Variants in PPP2R3A observed in about 807,000 individuals in gnomAD.
PPP2R3A encodes serine/threonine-protein phosphatase 2A regulatory subunit B'' subunit alpha.
In PPP2R3A, 80 loss-of-function variants were observed where a neutral mutation model predicts 106.9. The observed-to-expected ratio is 0.75, with a 90% CI of 0.62 to 0.90. PPP2R3A has a LOEUF of 0.90. Ranked by LOEUF, PPP2R3A falls within the 40% of genes least tolerant of loss-of-function variation. The pLI is 0.00. For missense variants in PPP2R3A, 1,386 were observed against 1,350.4 expected (o/e 1.03, Z -0.41); for synonymous variants, 483 against 468.3 (o/e 1.03, Z -0.41).
Position 136,145,369 on chromosome 3 carries a change from C to T in PPP2R3A, c.*203C>T, listed in dbSNP as rs1194503481. ...CCTCCAATTTGCCTCAAACCTCTTA[C>T]GGAGCTTCTCCTCAGAAGTGGTACC... On this transcript the variant is annotated 3_prime_UTR_variant, in exon 14 of 14. Coordinates refer to ENST00000264977, the MANE Select transcript of PPP2R3A (RefSeq NM_002718.5). 15 of 474,074 alleles carry T rather than the reference C, an allele frequency of 3.2e-5. No homozygotes were observed. The highest frequency in any genetic ancestry group is 4.7e-5 in the South Asian group (2 of 42,480). The allele number at this position is 474,074 out of a possible 1,614,324, so 29.4% of individuals were successfully genotyped here.
In PPP2R3A at chr3:136,002,561, A is replaced by T; in HGVS notation, c.1063A>T (p.Asn355Tyr). ...SGRFQTIELQ[N>Y]DKPNSRKMDT... ...ACGATTTCAAACTATTGAATTGCAAAATGACAAGCCTAATTCTAGGAAGAT... is the reference window on the plus strand; with the variant it reads ...ACGATTTCAAACTATTGAATTGCAATATGACAAGCCTAATTCTAGGAAGAT... The change falls in exon 2 of 14, where the codon AAT (asparagine) becomes TAT (tyrosine). Residue 355 changes from asparagine to tyrosine, a missense_variant. Transcript: ENST00000264977. 1 of 1,613,938 alleles carries T rather than the reference A, an allele frequency of 6.2e-7. No homozygotes were observed. Among genetic ancestry groups the T allele is most frequent in the Non-Finnish European group, 8.5e-7 (1 of 1,179,894 alleles).
In PPP2R3A at chr3:136,041,238, G is replaced by GTTTTTT. The variant is rs67116006; in HGVS notation, c.2366+282_2366+287dup. Among the ~76,000 whole-genome samples, 28 of 92,880 alleles carry GTTTTTT rather than the reference G, an allele frequency of 3.0e-4. 1 individual carries two copies. Among genetic ancestry groups the GTTTTTT allele is most frequent in the African/African-American group, 5.9e-4 (13 of 22,196 alleles). The allele number at this position is 92,880 out of a possible 152,430, so 60.9% of individuals were successfully genotyped here. ...TTATTAGTTTTACTTGGTTTTTCTT[G>GTTTTTT]TTTTTTTTTTTGTTTTTTTTTTTGT... On this transcript the variant is annotated intron_variant, in intron 4 of 13. Coordinates refer to ENST00000264977, the MANE Select transcript of PPP2R3A (RefSeq NM_002718.5).
chr3:136,107,469 A>G (rs933543573), intron 13 of PPP2R3A, among the ~76,000 whole-genome samples: 2 of 122,914 alleles, frequency 1.6e-5, no homozygotes, highest in Non-Finnish European at 3.2e-5. Context: ...ACAGTCTCAA[A>G]TGTGGTCTCT....
intron 6 of PPP2R3A, among the ~76,000 whole-genome samples, chr3:136,074,360 T>G (rs1340414349): frequency 2.6e-5 from 4 of 152,194 alleles, no homozygotes; most frequent in Non-Finnish European, 5.9e-5. Flanking sequence ...AAGGACATCA[T>G]TACCCAAAAA....
intron 13 of PPP2R3A, among the ~76,000 whole-genome samples, chr3:136,108,257 T>C (rs1429130875): frequency 6.6e-6 from 1 of 151,666 alleles, no homozygotes; most frequent in Non-Finnish European, 1.5e-5. Flanking sequence ...ATAGTGAAAA[T>C]TTGGAGGCAA....
intron 6 of PPP2R3A, among the ~76,000 whole-genome samples, chr3:136,072,041 T>C (rs925592065): frequency 2.2e-4 from 33 of 152,274 alleles, no homozygotes; most frequent in African/African-American, 7.7e-4. Flanking sequence ...TTTGTCCTGC[T>C]TCATTTTTCT....
At chr3:136,111,196 A>G (rs947919129) in intron 13 of PPP2R3A, among the ~76,000 whole-genome samples, 5 of 152,212 alleles carry the variant, frequency 3.3e-5, no homozygotes, top group African/African-American at 9.6e-5. Flanking sequence ...TTAGGACTAA[A>G]TAAGTATTGA....
At chr3:136,005,157 C>A (rs534507611) in intron 2 of PPP2R3A, among the ~76,000 whole-genome samples, 1 of 152,260 alleles carries the variant, frequency 6.6e-6, no homozygotes, top group African/African-American at 2.4e-5. Flanking sequence ...GCTATCAAAA[C>A]CTTGTTTCAC....
At chr3:136,131,773 C>T (rs1320616981) in intron 13 of PPP2R3A, among the ~76,000 whole-genome samples, 1 of 152,154 alleles carries the variant, frequency 6.6e-6, no homozygotes. Flanking sequence ...AAATGTCCAT[C>T]AGTGATAGAC....
chr3:136,144,371 T>C (rs1939011405), intron 13 of PPP2R3A, among the ~76,000 whole-genome samples: 1 of 152,106 alleles, frequency 6.6e-6, no homozygotes, highest in Non-Finnish European at 1.5e-5. Context: ...TTGAGAAAGT[T>C]TGCCACTCTG....
chr3:136,094,599 G>A (rs1309652144), intron 10 of PPP2R3A, among the ~76,000 whole-genome samples: 2 of 152,090 alleles, frequency 1.3e-5, no homozygotes, highest in East Asian at 1.9e-4. Context: ...TACAAATAAC[G>A]TATACATACA....
chr3:136,051,463 G>A (rs1287827794), intron 5 of PPP2R3A, among the ~76,000 whole-genome samples: 4 of 152,132 alleles, frequency 2.6e-5, no homozygotes, highest in Admixed American at 2.6e-4. Flanking sequence ...CCAAGTAGCA[G>A]GGATTACAGG....
Position 136,040,892 on chromosome 3 carries a change from A to G in PPP2R3A, c.2296A>G (p.Met766Val), listed in dbSNP as rs1935243843. 1.9e-6 allele frequency: 3 copies of G among 1,613,326 alleles called. No homozygotes were observed. Among genetic ancestry groups the G allele is most frequent in the African/African-American group, 2.7e-5 (2 of 74,882 alleles). The change falls in exon 4 of 14, where the codon ATG becomes GTG. Residue 766 changes from methionine (M) to valine (V), a missense_variant. Physicochemically the swap from Met to Val is conservative, Grantham distance 21. Transcript: ENST00000264977. ...CGCPLYWKAPMFRAAGGEKTG... is the reference protein window; with the variant it reads ...CGCPLYWKAPVFRAAGGEKTG... ...CTGTCCTCTCTATTGGAAAGCCCCC[A>G]TGTTCAGGGCTGCAGGGGGAGAGAA...
Position 136,062,159 on chromosome 3 carries a change from G to A in PPP2R3A, c.2470-8319G>A, listed in dbSNP as rs199540369. Among the ~76,000 whole-genome samples, 3 of 152,148 alleles carry A rather than the reference G, an allele frequency of 2.0e-5. No individual in the cohort carries two copies. The East Asian group carries it at 5.8e-4, about 29-fold the overall frequency. Reference sequence around the variant, plus strand: ...CCTGATTCCTGGACATTCATGGACTGAGAAAGTTTATCTCCTTTATAAGTT... The same window carrying A: ...CCTGATTCCTGGACATTCATGGACTAAGAAAGTTTATCTCCTTTATAAGTT... On this transcript the variant is annotated intron_variant, in intron 5 of 13. Coordinates refer to ENST00000264977, the MANE Select transcript of PPP2R3A (RefSeq NM_002718.5).
At chr3:136,030,778 A>ATATATATGTATGTATGTATGTATG (rs1206335696) in intron 3 of PPP2R3A, among the ~76,000 whole-genome samples, 1 of 111,260 alleles carries the variant, frequency 9.0e-6, no homozygotes. Context: ...ATATATATAT[A>ATATATATGTATGTATGTATGTATG]TATGTATGTA....
chr3:136,138,836 C>G (rs997827897), intron 13 of PPP2R3A, among the ~76,000 whole-genome samples: 1 of 150,000 alleles, frequency 6.7e-6, no homozygotes, highest in Non-Finnish European at 1.5e-5. Context: ...CTCAGCCTCC[C>G]GAGTAGCTGG....
chr3:136,053,764 A>G (rs894066783), intron 5 of PPP2R3A, among the ~76,000 whole-genome samples: 1 of 152,186 alleles, frequency 6.6e-6, no homozygotes, highest in Non-Finnish European at 1.5e-5. Context: ...AATGCCTGTC[A>G]ATCAACACAC....
In PPP2R3A at chr3:136,002,451, A is replaced by C. The variant is rs145758898; in HGVS notation, c.953A>C (p.Gln318Pro). 9.9e-6 allele frequency: 16 copies of C among 1,613,960 alleles called. No homozygotes were observed. The African/African-American group carries it at 1.9e-4, about 19-fold the overall frequency. The change falls in exon 2 of 14, where the codon CAA becomes CCA. Residue 318 changes from glutamine to proline, a missense_variant. Coordinates refer to ENST00000264977, the MANE Select transcript of PPP2R3A (RefSeq NM_002718.5). The stretch of plus-strand genomic sequence containing the variant: ...CTGATCAGTAATATGCCTAGCTTAC[A>C]ACTGACTCCCTTCTCCCCAGTGTTT... Reference protein sequence around the residue: ...TELISNMPSLQLTPFSPVFGT... With the variant: ...TELISNMPSLPLTPFSPVFGT...
At chr3:136,123,432 G>T (rs1403967753) in intron 13 of PPP2R3A, among the ~76,000 whole-genome samples, 1 of 152,006 alleles carries the variant, frequency 6.6e-6, no homozygotes, top group African/African-American at 2.4e-5. Flanking sequence ...GACTTTAAAA[G>T]CATAAAAGTA....
Sources: allele counts gnomAD v4.1 joint callset (sites outside exome capture counted in the v4.1 genomes callset), GRCh38; gene constraint gnomAD v4.1.1; transcripts MANE v1.5; gene names NCBI Gene and HGNC (gene_info 2026-07-23, HGNC 2026-07-21).